Variants in POM121L12 observed in about 807,000 individuals in gnomAD.
POM121L12 encodes POM121 transmembrane nucleoporin like 12, also known as POM121-like protein 12.
For missense variants in POM121L12, 553 were observed against 409.2 expected (o/e 1.35, Z -3.03); for synonymous variants, 251 against 179.2 (o/e 1.40, Z -3.20).
At position 53,035,885 on chromosome 7, in the gene POM121L12, G is replaced by C; in HGVS notation, c.214G>C (p.Val72Leu). The change falls in exon 1 of 1, where the codon GTG becomes CTG. Residue 72 changes from valine (V) to leucine (L), a missense_variant. Physicochemically the swap from Val to Leu is conservative, Grantham distance 32. Coordinates refer to ENST00000408890, the MANE Select transcript of POM121L12 (RefSeq NM_182595.4). ...TCAGTACTTCCAGTGGGGGCGCCCG[G>C]TGCCCAGCACCCACCTCATCGAGGT... ...HIQYFQWGRP[V>L]PSTHLIEVRP... The C allele has an allele frequency of 6.2e-7, 1 of 1,613,250 alleles. No individual in the cohort carries two copies. Among genetic ancestry groups the C allele is most frequent in the Non-Finnish European group, 8.5e-7 (1 of 1,179,768 alleles).
At position 53,035,848 on chromosome 7, in the gene POM121L12, T is replaced by A. The variant is rs201172657; in HGVS notation, c.177T>A (p.Thr59=). 27 of 1,613,494 alleles carry A rather than the reference T, an allele frequency of 1.7e-5. No individual in the cohort carries two copies. In the Admixed American group the frequency reaches 2.8e-4, roughly 17 times the overall value. ...RQSPWPLRSL[T]QSHIQYFQWG... ...GTCCCTGGCCCCTGAGGTCCCTGAC[T>A]CAGAGCCATATTCAGTACTTCCAGT... The change falls in exon 1 of 1, where the codon ACT becomes ACA. Residue 59 remains threonine (T), a synonymous_variant. Transcript: ENST00000408890.
At position 53,036,101 on chromosome 7, in the gene POM121L12, C is replaced by A. The variant is rs73357087; in HGVS notation, c.430C>A (p.Pro144Thr). Residue 144 changes from proline (P) to threonine (T), a missense_variant, in exon 1 of 1, where the codon CCT (proline) becomes ACT (threonine). By Grantham distance (38) the Pro-to-Thr change is conservative. Coordinates refer to ENST00000408890, the MANE Select transcript of POM121L12 (RefSeq NM_182595.4). ...WSPVTIGIAP[P>T]ERQESPWRSP... ...CCCGGTGACCATCGGGATCGCGCCC[C>A]CTGAGCGTCAGGAGAGCCCCTGGAG... 6.2e-7 allele frequency: 1 copy of A among 1,612,022 alleles called. No homozygotes were observed. The highest frequency in any genetic ancestry group is 8.5e-7 in the Non-Finnish European group (1 of 1,179,714).
At position 53,036,770 on chromosome 7, in the gene POM121L12, C is replaced by T; in HGVS notation, c.*208C>T. On this transcript the variant is annotated 3_prime_UTR_variant, in exon 1 of 1. Transcript: ENST00000408890. ...TGATTTCAGAACCCTTGCCTTCGCC[C>T]TGCTGGCCCTCTCCTCCCTGCCCTT... is the stretch of plus-strand genomic sequence containing the variant. 3 of 567,006 alleles carry T rather than the reference C, an allele frequency of 5.3e-6. No homozygotes were observed. Among genetic ancestry groups the T allele is most frequent in the Non-Finnish European group, 9.4e-6 (3 of 318,650 alleles). 35.1% of individuals were successfully genotyped at this position (567,006 alleles called of 1,614,324 possible).
rs1431353042 is a variant in POM121L12, at chr7:53,035,750, G to A, written c.79G>A (p.Asp27Asn). 2 of 1,613,452 alleles carry A rather than the reference G, an allele frequency of 1.2e-6. No homozygotes were observed. The highest frequency in any genetic ancestry group is 1.3e-5 in the African/African-American group (1 of 74,918). The change falls in exon 1 of 1, where the codon GAC becomes AAC. Residue 27 changes from aspartate to asparagine, a missense_variant. Coordinates refer to ENST00000408890, the MANE Select transcript of POM121L12 (RefSeq NM_182595.4). ...KAGEPLLQGP[D>N]ALAAPMSRSP... ...GGGAGAACCCCTGCTGCAAGGCCCC[G>A]ACGCCCTGGCGGCTCCCATGAGCAG...
At position 53,036,100 on chromosome 7, in the gene POM121L12, C is replaced by T. The variant is rs779200744; in HGVS notation, c.429C>T (p.Pro143=). The T allele has an allele frequency of 6.2e-7, 1 of 1,612,314 alleles. No homozygotes were observed. Among genetic ancestry groups the T allele is most frequent in the Non-Finnish European group, 8.5e-7 (1 of 1,179,794 alleles). Residue 143 remains proline, a synonymous_variant, in exon 1 of 1, where the codon CCC becomes CCT. Transcript: ENST00000408890. ...TWSPVTIGIA[P]PERQESPWRS... ...GCCCGGTGACCATCGGGATCGCGCC[C>T]CCTGAGCGTCAGGAGAGCCCCTGGA...
the POM121L12 span, chr7:53,036,177 TCCTGGACC>T: frequency 6.2e-7 from 1 of 1,610,016 alleles, no homozygotes; most frequent in Non-Finnish European, 8.5e-7. Context: ...GCCCAGGAGC[TCCTGGACC>T]CCTGCACCCG....
rs866654539 is a variant in POM121L12, at chr7:53,036,524, C to T, written c.853C>T (p.Leu285Phe). 9.9e-6 allele frequency: 16 copies of T among 1,613,232 alleles called. No individual in the cohort carries two copies. The highest frequency in any genetic ancestry group is 1.2e-5 in the Non-Finnish European group (14 of 1,179,688). Residue 285 changes from leucine to phenylalanine, a missense_variant, in exon 1 of 1, where the codon CTC (leucine) becomes TTC (phenylalanine). By Grantham distance (22) the Leu-to-Phe change is conservative. Transcript: ENST00000408890. The part of the protein sequence containing the change: ...CGSCSRVSFA[L>F]EVTQSAGPFG... ...CAGCTGCAGTAGGGTCTCCTTCGCC[C>T]TCGAGGTCACCCAGTCTGCTGGCCC...
At position 53,036,088 on chromosome 7, in the gene POM121L12, C is replaced by G. The variant is rs534712268; in HGVS notation, c.417C>G (p.Ile139Met). The change falls in exon 1 of 1, where the codon ATC becomes ATG. Residue 139 changes from isoleucine (I) to methionine (M), a missense_variant. Physicochemically the swap from Ile to Met is conservative, Grantham distance 10. Transcript: ENST00000408890. The part of the protein sequence containing the change: ...NPGRTWSPVT[I>M]GIAPPERQES... ...GACGGACCTGGAGCCCGGTGACCAT[C>G]GGGATCGCGCCCCCTGAGCGTCAGG... The G allele has an allele frequency of 1.2e-6, 2 of 1,612,472 alleles. No homozygotes were observed. Among genetic ancestry groups the G allele is most frequent in the African/African-American group, 1.3e-5 (1 of 74,880 alleles).
chr7:53,035,953 C>T lies in POM121L12; in HGVS notation c.282C>T (p.Ser94=), dbSNP rs1038709836. 2.9e-5 allele frequency: 46 copies of T among 1,612,502 alleles called. No individual in the cohort carries two copies. Among genetic ancestry groups the T allele is most frequent in the Non-Finnish European group, 3.6e-5 (43 of 1,179,550 alleles). Residue 94 remains serine, a synonymous_variant, in exon 1 of 1, where the codon TCC becomes TCT. Transcript: ENST00000408890. The stretch of plus-strand genomic sequence containing the variant: ...CCGCCAAGCCGCAGCGGGTGGTCTC[C>T]GAGGGCTGGAGGCGCCCTGCCCTTC... ...QDPAKPQRVV[S]EGWRRPALPG...
rs1264717070 is a variant in POM121L12 at position 53,036,326 on chromosome 7, C to G, written c.655C>G (p.Pro219Ala). Residue 219 changes from proline (P) to alanine (A), a missense_variant, in exon 1 of 1, where the codon CCC (proline) becomes GCC (alanine). Transcript: ENST00000408890. ...GCAGCCCCGGCCCTCTGCCTTCAAGCCCCTGAGCAAAAATGGAGCGGTTGC... is the reference window on the plus strand; with the variant it reads ...GCAGCCCCGGCCCTCTGCCTTCAAGGCCCTGAGCAAAAATGGAGCGGTTGC... ...NLQPRPSAFKPLSKNGAVASF... is the reference protein window; with the variant it reads ...NLQPRPSAFKALSKNGAVASF... The G allele has an allele frequency of 1.2e-6, 2 of 1,613,944 alleles. No individual in the cohort carries two copies. Among genetic ancestry groups the G allele is most frequent in the African/African-American group, 1.3e-5 (1 of 74,928 alleles).
At chr7:53,036,496 C>A in the POM121L12 span, 2 of 1,613,936 alleles carry the variant, frequency 1.2e-6, no homozygotes, top group East Asian at 2.2e-5. Flanking sequence ...CGCCTTCCTG[C>A]GGCAGCTGCA....
Position 53,035,748 on chromosome 7 carries a change from C to T in POM121L12, c.77C>T (p.Pro26Leu), listed in dbSNP as rs555989276. ...GCGGGAGAACCCCTGCTGCAAGGCC[C>T]CGACGCCCTGGCGGCTCCCATGAGC... is the stretch of plus-strand genomic sequence containing the variant. ...WKAGEPLLQGPDALAAPMSRS... is the reference protein window; with the variant it reads ...WKAGEPLLQGLDALAAPMSRS... The change falls in exon 1 of 1, where the codon CCC becomes CTC. Residue 26 changes from proline (P) to leucine (L), a missense_variant. Coordinates refer to ENST00000408890, the MANE Select transcript of POM121L12 (RefSeq NM_182595.4). 4 of 1,613,524 alleles carry T rather than the reference C, an allele frequency of 2.5e-6. No homozygotes were observed. In the East Asian group the frequency reaches 8.9e-5, roughly 36 times the overall value.
Position 53,036,079 on chromosome 7 carries a change from G to T in POM121L12, c.408G>T (p.Pro136=), listed in dbSNP as rs755206617. 1.9e-6 allele frequency: 3 copies of T among 1,612,644 alleles called. No homozygotes were observed. The highest frequency in any genetic ancestry group is 1.7e-5 in the Admixed American group (1 of 60,012). The change falls in exon 1 of 1, where the codon CCG becomes CCT. Residue 136 remains proline, a synonymous_variant. Coordinates refer to ENST00000408890, the MANE Select transcript of POM121L12 (RefSeq NM_182595.4). ...GGAACCCAGGACGGACCTGGAGCCCGGTGACCATCGGGATCGCGCCCCCTG... is the reference window on the plus strand; with the variant it reads ...GGAACCCAGGACGGACCTGGAGCCCTGTGACCATCGGGATCGCGCCCCCTG... The part of the protein sequence containing the change: ...RAWNPGRTWS[P]VTIGIAPPER...
In POM121L12 at chr7:53,036,661, CGTT is replaced by C; in HGVS notation, c.*100_*102del. The C allele has an allele frequency of 7.6e-7, 1 of 1,318,752 alleles. No homozygotes were observed. The highest frequency in any genetic ancestry group is 1.0e-6 in the Non-Finnish European group (1 of 955,968). 81.7% of individuals were successfully genotyped at this position (1,318,752 alleles called of 1,614,324 possible). A position where few individuals can be genotyped will look rare whatever the true frequency, so the allele number is the denominator to read the frequency against. On this transcript the variant is annotated 3_prime_UTR_variant, in exon 1 of 1. Coordinates refer to ENST00000408890, the MANE Select transcript of POM121L12 (RefSeq NM_182595.4). ...ACCTCAACGTGGGGCCCTGACACCACGTTATCAAACATGCAGCCCCCACACCCC... is the reference window on the plus strand; with the variant it reads ...ACCTCAACGTGGGGCCCTGACACCACATCAAACATGCAGCCCCCACACCCC...
chr7:53,036,679 C>T lies in POM121L12; in HGVS notation c.*117C>T. On this transcript the variant is annotated 3_prime_UTR_variant, in exon 1 of 1. Transcript: ENST00000408890. The stretch of plus-strand genomic sequence containing the variant: ...GACACCACGTTATCAAACATGCAGC[C>T]CCCACACCCCTCGTCTGCCCGCCCC... The T allele has an allele frequency of 8.7e-7, 1 of 1,142,964 alleles. No homozygotes were observed. The highest frequency in any genetic ancestry group is 1.2e-6 in the Non-Finnish European group (1 of 803,002). The allele number at this position is 1,142,964 out of a possible 1,614,324, so 70.8% of individuals were successfully genotyped here. A position where few individuals can be genotyped will look rare whatever the true frequency, so the allele number is the denominator to read the frequency against.
Position 53,036,705 on chromosome 7 carries a change from C to A in POM121L12, c.*143C>A. 1.1e-6 allele frequency: 1 copy of A among 883,406 alleles called. No individual in the cohort carries two copies. The allele number at this position is 883,406 out of a possible 1,614,324, so 54.7% of individuals were successfully genotyped here. A position where few individuals can be genotyped will look rare whatever the true frequency, so the allele number is the denominator to read the frequency against. ...CCCACACCCCTCGTCTGCCCGCCCC[C>A]AGATCTTCCCTCTGTGCTCCCTGCC... is the stretch of plus-strand genomic sequence containing the variant. On this transcript the variant is annotated 3_prime_UTR_variant, in exon 1 of 1. Transcript: ENST00000408890.
Position 53,035,986 on chromosome 7 carries a change from G to A in POM121L12, c.315G>A (p.Glu105=). Residue 105 remains glutamate (E), a synonymous_variant, in exon 1 of 1, where the codon GAG becomes GAA. Coordinates refer to ENST00000408890, the MANE Select transcript of POM121L12 (RefSeq NM_182595.4). ...EGWRRPALPG[E]TALGRDLSCA... ...GGAGGCGCCCTGCCCTTCCCGGGGAGACCGCTCTGGGGCGAGACCTCTCCT... is the reference window on the plus strand; with the variant it reads ...GGAGGCGCCCTGCCCTTCCCGGGGAAACCGCTCTGGGGCGAGACCTCTCCT... 1.9e-6 allele frequency: 3 copies of A among 1,612,784 alleles called. No individual in the cohort carries two copies. In the East Asian group the frequency reaches 6.7e-5, roughly 36 times the overall value.
At position 53,036,706 on chromosome 7, in the gene POM121L12, A is replaced by C. The variant is rs1031872519; in HGVS notation, c.*144A>C. The stretch of plus-strand genomic sequence containing the variant: ...CCACACCCCTCGTCTGCCCGCCCCC[A>C]GATCTTCCCTCTGTGCTCCCTGCCA... On this transcript the variant is annotated 3_prime_UTR_variant, in exon 1 of 1. Transcript: ENST00000408890. 3.1e-5 allele frequency: 27 copies of C among 882,376 alleles called. No individual in the cohort carries two copies. The highest frequency in any genetic ancestry group is 4.5e-5 in the Non-Finnish European group (26 of 582,460). 54.7% of individuals were successfully genotyped at this position (882,376 alleles called of 1,614,324 possible).
rs763654322 is a variant in POM121L12 at position 53,035,969 on chromosome 7, C to T, written c.298C>T (p.Pro100Ser). The change falls in exon 1 of 1, where the codon CCT (proline) becomes TCT (serine). Residue 100 changes from proline (P) to serine (S), a missense_variant. Pro to Ser is a moderately conservative substitution (Grantham distance 74). Coordinates refer to ENST00000408890, the MANE Select transcript of POM121L12 (RefSeq NM_182595.4). ...GGTGGTCTCCGAGGGCTGGAGGCGC[C>T]CTGCCCTTCCCGGGGAGACCGCTCT... is the stretch of plus-strand genomic sequence containing the variant. Reference protein sequence around the residue: ...QRVVSEGWRRPALPGETALGR... With the variant: ...QRVVSEGWRRSALPGETALGR... The T allele has an allele frequency of 1.9e-6, 3 of 1,612,628 alleles. No individual in the cohort carries two copies. In the South Asian group the frequency reaches 3.3e-5, roughly 18 times the overall value.
Sources: allele counts gnomAD v4.1 joint callset, GRCh38; gene constraint gnomAD v4.1.1; transcripts MANE v1.5; gene names NCBI Gene and HGNC (gene_info 2026-07-23, HGNC 2026-07-21).